ADGRV1: variants seen among roughly 807,000 people sequenced by gnomAD.
ADGRV1 encodes the protein adhesion G protein-coupled receptor V1.
Under a neutral mutation model 596.2 loss-of-function variants are expected in ADGRV1, and 359 were observed. That is an observed-to-expected ratio of 0.60 (90% CI 0.55 to 0.66). ADGRV1 has a LOEUF of 0.66. Among genes scored for constraint, ADGRV1 ranks in the 30% least tolerant of loss-of-function variants. ADGRV1 has a pLI of 0.00. For missense variants in ADGRV1, 7,274 were observed against 7,575.6 expected (o/e 0.96, Z 1.48); for synonymous variants, 2,681 against 2,679.2 (o/e 1.00, Z -0.02).
Position 90,961,510 on chromosome 5 carries a change from G to T in ADGRV1, c.17857-3905G>T, listed in dbSNP as rs528017997. Among the ~76,000 whole-genome samples, 19 of 141,832 alleles carry T rather than the reference G, an allele frequency of 1.3e-4. 2 individuals carry two copies. The South Asian group carries it at 2.7e-3, about 20-fold the overall frequency. 93.0% of individuals were successfully genotyped at this position (141,832 alleles called of 152,430 possible). On this transcript the variant is annotated intron_variant, in intron 83 of 89. Transcript: ENST00000405460. ...CTCAAAAAAAAAAAAAAAAAAAAGG[G>T]GGGGTGGCGGTCATTTCAAGAATAA...
At chr5:90,665,398 C>T (rs951813890) in intron 21 of ADGRV1, among the ~76,000 whole-genome samples, 8 of 151,680 alleles carry the variant, frequency 5.3e-5, no homozygotes, top group Non-Finnish European at 7.4e-5. Flanking sequence ...AGTTTATTTG[C>T]GTAGAGGTGT....
At chr5:90,559,989 C>T (rs551826597) in intron 1 of ADGRV1, among the ~76,000 whole-genome samples, 1 of 151,984 alleles carries the variant, frequency 6.6e-6, no homozygotes, top group Non-Finnish European at 1.5e-5. Flanking sequence ...GAGTAAGTGG[C>T]GAACTATTCC....
intron 17 of ADGRV1, among the ~76,000 whole-genome samples, chr5:90,648,196 T>A (rs901347428): frequency 6.6e-6 from 1 of 152,276 alleles, no homozygotes; most frequent in African/African-American, 2.4e-5. Flanking sequence ...ACTTCAACTG[T>A]TTGATAATTC....
chr5:91,034,717 G>GT (rs1784728610), intron 85 of ADGRV1, among the ~76,000 whole-genome samples: 1 of 152,062 alleles, frequency 6.6e-6, no homozygotes, highest in East Asian at 1.9e-4. Flanking sequence ...GACTCCTTTT[G>GT]TTTTTTTGCA....
chr5:90,621,679 G>A (rs972832557), intron 4 of ADGRV1, among the ~76,000 whole-genome samples: 3 of 151,968 alleles, frequency 2.0e-5, no homozygotes, highest in Non-Finnish European at 4.4e-5. Flanking sequence ...TGGGTCCTAG[G>A]TCCCTGACTG....
chr5:90,819,351 C>G (rs1763241683), intron 75 of ADGRV1, among the ~76,000 whole-genome samples: 1 of 151,400 alleles, frequency 6.6e-6, no homozygotes, highest in South Asian at 2.1e-4. Context: ...TTTTGTTGAT[C>G]CTTTCAAAAA....
At chr5:90,597,126 G>C (rs994763613) in intron 1 of ADGRV1, among the ~76,000 whole-genome samples, 3 of 152,200 alleles carry the variant, frequency 2.0e-5, no homozygotes, top group African/African-American at 7.2e-5. Context: ...GAGATGTGTA[G>C]AAGTCAGTTG....
Position 90,647,624 on chromosome 5 carries a change from G to A in ADGRV1, c.3149G>A (p.Arg1050Lys). The A allele has an allele frequency of 6.2e-7, 1 of 1,613,982 alleles. No individual in the cohort carries two copies. Among genetic ancestry groups the A allele is most frequent in the South Asian group, 1.1e-5 (1 of 91,082 alleles). ...GATGGGAAGGCTACTGCAAGAGAGAGAGATTTCATTCCTGTTGAAAAAGGA... is the reference window on the plus strand; with the variant it reads ...GATGGGAAGGCTACTGCAAGAGAGAAAGATTTCATTCCTGTTGAAAAAGGA... Reference protein sequence around the residue: ...TKDGKATARERDFIPVEKGET... With the variant: ...TKDGKATAREKDFIPVEKGET... The change falls in exon 17 of 90, where the codon AGA (arginine) becomes AAA (lysine). Residue 1050 changes from arginine (R) to lysine (K), a missense_variant. Transcript: ENST00000405460.
chr5:90,868,074 A>C (rs1443814431), intron 83 of ADGRV1, among the ~76,000 whole-genome samples: 2 of 152,112 alleles, frequency 1.3e-5, no homozygotes, highest in Non-Finnish European at 2.9e-5. Flanking sequence ...CAATGCAGGC[A>C]TCTTGTTAAA....
At chr5:90,936,112 G>T (rs1343071884) in intron 83 of ADGRV1, among the ~76,000 whole-genome samples, 1 of 152,142 alleles carries the variant, frequency 6.6e-6, no homozygotes, top group Non-Finnish European at 1.5e-5. Context: ...TAGACTTTAT[G>T]AATCATTGCT....
intron 79 of ADGRV1, among the ~76,000 whole-genome samples, chr5:90,852,159 C>T (rs1214525506): frequency 2.0e-5 from 3 of 152,070 alleles, no homozygotes; most frequent in African/African-American, 4.8e-5. Flanking sequence ...TAAGTGGATT[C>T]AATTCAGGTA....
chr5:90,683,599 A>C lies in ADGRV1; in HGVS notation c.5678A>C (p.His1893Pro). Reference sequence around the variant, plus strand: ...AGTATTTTGTAGGTTATAAGACATCATGGAACTCTGTCTCCAGTGACTTTG... The same window carrying C: ...AGTATTTTGTAGGTTATAAGACATCCTGGAACTCTGTCTCCAGTGACTTTG... ...STVTLNVIRHHGTLSPVTLHW... is the reference protein window; with the variant it reads ...STVTLNVIRHPGTLSPVTLHW... The change falls in exon 28 of 90, where the codon CAT becomes CCT. Residue 1893 changes from histidine to proline, a missense_variant. His to Pro is a moderately conservative substitution (Grantham distance 77). Around this residue, in one of 5 missense-constraint regions of ADGRV1, gnomAD observed 3,643 missense variants for 3,809.2 expected, o/e 0.96. Coordinates refer to ENST00000405460, the MANE Select transcript of ADGRV1 (RefSeq NM_032119.4). The C allele has an allele frequency of 6.2e-7, 1 of 1,600,006 alleles. No homozygotes were observed. Among genetic ancestry groups the C allele is most frequent in the Non-Finnish European group, 8.6e-7 (1 of 1,169,022 alleles).
Position 90,745,262 on chromosome 5 carries a change from C to T in ADGRV1, c.10766C>T (p.Pro3589Leu). 1 of 1,572,416 alleles carries T rather than the reference C, an allele frequency of 6.4e-7. No homozygotes were observed. Among genetic ancestry groups the T allele is most frequent in the Non-Finnish European group, 8.6e-7 (1 of 1,162,338 alleles). Residue 3589 changes from proline to leucine, a missense_variant, in exon 51 of 90, where the codon CCT (proline) becomes CTT (leucine). Around this residue, in one of 5 missense-constraint regions of ADGRV1, gnomAD observed 3,643 missense variants for 3,809.2 expected, o/e 0.96. Transcript: ENST00000405460. Reference sequence around the variant, plus strand: ...ATTTCCAGCCATTCTGACTTTATTCCTAGGTAGGTTCAACATTTTTTGCTA... The same window carrying T: ...ATTTCCAGCCATTCTGACTTTATTCTTAGGTAGGTTCAACATTTTTTGCTA... ...AYISSHSDFIPSSGELIFEPG... is the reference protein window; with the variant it reads ...AYISSHSDFILSSGELIFEPG...
intron 1 of ADGRV1, among the ~76,000 whole-genome samples, chr5:90,595,616 AC>A (rs1164910243): frequency 1.0e-5 from 1 of 97,122 alleles, no homozygotes; most frequent in African/African-American, 4.6e-5. Flanking sequence ...CGGGGGGCTG[AC>A]CCCCCCACCT....
intron 84 of ADGRV1, among the ~76,000 whole-genome samples, chr5:90,975,727 A>T (rs950823681): frequency 6.6e-6 from 1 of 152,138 alleles, no homozygotes; most frequent in African/African-American, 2.4e-5. Context: ...GGGTTAGGGA[A>T]AGCATTAGGA....
intron 17 of ADGRV1, among the ~76,000 whole-genome samples, chr5:90,650,626 C>T (rs1768459823): frequency 6.6e-6 from 1 of 152,080 alleles, no homozygotes; most frequent in Non-Finnish European, 1.5e-5. Flanking sequence ...AAATTCTGCG[C>T]ACCGGTTACT....
intron 87 of ADGRV1, among the ~76,000 whole-genome samples, chr5:91,113,945 G>A (rs1792615794): frequency 6.6e-6 from 1 of 151,996 alleles, no homozygotes; most frequent in Non-Finnish European, 1.5e-5. Flanking sequence ...AATGCCAGGT[G>A]CAGTGGCTCA....
rs201453118 is a variant in ADGRV1 at position 90,756,618 on chromosome 5, T to C, written c.11745T>C (p.Phe3915=). ...ACGATCCCAGAGGAATTTTTATGTT[T>C]CATGTTACTAGAGTGAGATGAACTT... The part of the protein sequence containing the change: ...ENDDPRGIFM[F]HVTRGAGEVI... Residue 3915 remains phenylalanine (F), a synonymous_variant, in exon 56 of 90, where the codon TTT becomes TTC. Coordinates refer to ENST00000405460, the MANE Select transcript of ADGRV1 (RefSeq NM_032119.4). 210 of 1,613,426 alleles carry C rather than the reference T, an allele frequency of 1.3e-4. No homozygotes were observed. The highest frequency in any genetic ancestry group is 3.3e-4 in the Middle Eastern group (2 of 6,058).
chr5:90,620,160 T>C (rs1308447445), intron 4 of ADGRV1, among the ~76,000 whole-genome samples: 1 of 152,148 alleles, frequency 6.6e-6, no homozygotes, highest in Non-Finnish European at 1.5e-5. Flanking sequence ...GTTCTAGATC[T>C]CTGAGGAATC....
Sources: gnomAD v4.1 joint callset for allele counts (sites outside exome capture counted in the v4.1 genomes callset) on GRCh38, gnomAD v4.1.1 for gene constraint, gnomAD v4.1.1 regional missense constraint, MANE v1.5 for transcripts, NCBI Gene and HGNC (gene_info 2026-07-23, HGNC 2026-07-21) for gene names.